The following SBNO2 variants were observed in gnomAD, a reference collection of about 807,000 sequenced individuals.
The protein encoded by SBNO2 is protein strawberry notch homolog 2.
SBNO2 carries 89 observed loss-of-function variants against 146.3 expected under a neutral mutation model. The observed-to-expected ratio is 0.61, with a 90% confidence interval of 0.51 to 0.73. SBNO2 has a LOEUF of 0.73. SBNO2 is among the 30% of genes least tolerant of loss of function. SBNO2 has a pLI of 0.00. For synonymous variants in SBNO2, 1,147 were observed against 892.6 expected, an observed-to-expected ratio of 1.29 and a Z score of -5.08; for missense variants, 2,092 against 2,003.7, an observed-to-expected ratio of 1.04 and a Z score of -0.84.
Position 1,143,418 on chromosome 19 carries a change from G to C in SBNO2, c.279+3891C>G, listed in dbSNP as rs1015500473. Among the ~76,000 whole-genome samples the C allele has an allele frequency of 5.9e-5, 9 of 152,184 alleles. 1 individual carries two copies. Among genetic ancestry groups the C allele is most frequent in the Non-Finnish European group, 1.2e-4 (8 of 68,048 alleles). Reference sequence around the variant, plus strand: ...GCCCAGGAGGTGGAGGCTGCAGTGAGCCGAGATTGCACCGCTGCACTCCAG... The same window carrying C: ...GCCCAGGAGGTGGAGGCTGCAGTGACCCGAGATTGCACCGCTGCACTCCAG... On this transcript the variant is annotated intron_variant, in intron 4 of 31. Coordinates refer to ENST00000361757, the MANE Select transcript of SBNO2 (RefSeq NM_014963.3).
At position 1,150,286 on chromosome 19, in the gene SBNO2, C is replaced by T. The variant is rs143061833; in HGVS notation, c.94-844G>A. 4.2e-3 allele frequency among the ~76,000 whole-genome samples: 638 copies of T among 152,234 alleles called. 9 individuals carry two copies. Among genetic ancestry groups the T allele is most frequent in the African/African-American group, 0.015 (617 of 41,534 alleles). On this transcript the variant is annotated intron_variant, in intron 2 of 31. Coordinates refer to ENST00000361757, the MANE Select transcript of SBNO2 (RefSeq NM_014963.3). This position sits in a 1 kb window ranked among gnomAD's most constrained non-coding sequence, Gnocchi z 6.2. ...GGATGGGGAGCACACGGGGCAGCAG[C>T]GGGCCCAAGGGCGGCAGCGGGCCCA...
Position 1,112,427 on chromosome 19 carries a change from G to A in SBNO2, c.2490C>T (p.Ser830=). Residue 830 remains serine (S), a synonymous_variant, in exon 21 of 32, where the codon AGC becomes AGT. Coordinates refer to ENST00000361757, the MANE Select transcript of SBNO2 (RefSeq NM_014963.3). This position sits in a 1 kb window ranked among gnomAD's most constrained non-coding sequence, Gnocchi z 5.9. ...RVHMTLELPW[S]ADRAIQQFGR... Reference sequence around the variant, plus strand: ...CGAACTGCTGGATGGCGCGGTCGGCGCTCCACGGCAGCTCCAAGGTCATGT... The same window carrying A: ...CGAACTGCTGGATGGCGCGGTCGGCACTCCACGGCAGCTCCAAGGTCATGT... The A allele has an allele frequency of 3.1e-6, 5 of 1,605,712 alleles. No homozygotes were observed. The highest frequency in any genetic ancestry group is 1.3e-5 in the African/African-American group (1 of 74,946).
chr19:1,170,842 T>C (rs1290631182), intron 1 of SBNO2, among the ~76,000 whole-genome samples: 1 of 150,898 alleles, frequency 6.6e-6, no homozygotes, highest in Non-Finnish European at 1.5e-5. Flanking sequence ...GGTGCAAAGG[T>C]CATACACATG....
chr19:1,119,225 A>G, intron 13 of SBNO2, 61 bp from the exon 14 acceptor site: 1 of 1,531,160 alleles, frequency 6.5e-7, no homozygotes, highest in Admixed American at 1.9e-5. Context: ...AGCCACTCGG[A>G]GCGCGAGGCA....
intron 1 of SBNO2, among the ~76,000 whole-genome samples, chr19:1,163,834 G>A (rs1385079316): frequency 6.6e-6 from 1 of 152,194 alleles, no homozygotes; most frequent in African/African-American, 2.4e-5. Context: ...GGGGTCCAGG[G>A]CGAGCAAGTT....
chr19:1,152,715 A>C (rs1443111039), intron 2 of SBNO2, among the ~76,000 whole-genome samples: 1 of 152,134 alleles, frequency 6.6e-6, no homozygotes, highest in Non-Finnish European at 1.5e-5. Flanking sequence ...AAGCCCTCTG[A>C]GGATGGACTG....
chr19:1,117,578 C>T (rs2079848860), intron 14 of SBNO2, 79 bp from the exon 15 acceptor site: 11 of 1,446,080 alleles, frequency 7.6e-6, no homozygotes, highest in South Asian at 5.4e-5. Context: ...CTGCCGCCAG[C>T]CCTGGGCAAG....
At position 1,115,926 on chromosome 19, in the gene SBNO2, C is replaced by T. The variant is rs1018424137; in HGVS notation, c.1885+95G>A. ...CAGGACCTGCATTTGGCTGAGTGGA[C>T]GGGGGAGTGGGGGAAGCAGGGAGCG... On this transcript the variant is annotated intron_variant, in intron 17 of 31. Transcript: ENST00000361757. 27 of 752,074 alleles carry T rather than the reference C, an allele frequency of 3.6e-5. No individual in the cohort carries two copies. In the East Asian group the frequency reaches 7.6e-4, roughly 21 times the overall value. The allele number at this position is 752,074 out of a possible 1,614,324, so 46.6% of individuals were successfully genotyped here.
rs554130374 is a variant in SBNO2 at position 1,133,162 on chromosome 19, G to C, written c.280-5397C>G. On this transcript the variant is annotated intron_variant, in intron 4 of 31. Coordinates refer to ENST00000361757, the MANE Select transcript of SBNO2 (RefSeq NM_014963.3). ...GGTGGGAGGACGGCCGGGCTGTGGAGAGGACGGGCCCCATCTGCCTGTACT... is the reference window on the plus strand; with the variant it reads ...GGTGGGAGGACGGCCGGGCTGTGGACAGGACGGGCCCCATCTGCCTGTACT... Among the ~76,000 whole-genome samples, 7 of 152,276 alleles carry C rather than the reference G, an allele frequency of 4.6e-5. No individual in the cohort carries two copies. In the East Asian group the frequency reaches 1.4e-3, roughly 29 times the overall value.
intron 11 of SBNO2, among the ~76,000 whole-genome samples, chr19:1,121,091 C>T (rs2079895678): frequency 6.6e-6 from 1 of 151,968 alleles, no homozygotes; most frequent in Non-Finnish European, 1.5e-5. Flanking sequence ...GTGGTTTCAC[C>T]ATGTTGTCCA....
chr19:1,149,310 A>C, intron 3 of SBNO2, 59 bp downstream of exon 3: 4 of 1,468,686 alleles, frequency 2.7e-6, no homozygotes, highest in Non-Finnish European at 3.7e-6. Context: ...CTCCGTTTGT[A>C]ACTGTGACTT....
chr19:1,114,087 G>T, intron 18 of SBNO2, 144 bp downstream of exon 18: 2 of 729,484 alleles, frequency 2.7e-6, no homozygotes, highest in Non-Finnish European at 4.2e-6. Context: ...AGGTGGGCTG[G>T]ACTGAGGGCT....
rs763697739 is a variant in SBNO2, at chr19:1,149,488, C to T, written c.94-46G>A. The T allele has an allele frequency of 1.7e-5, 26 of 1,512,204 alleles. No individual in the cohort carries two copies. In the Admixed American group the frequency reaches 2.6e-4, roughly 15 times the overall value. 93.7% of individuals were successfully genotyped at this position (1,512,204 alleles called of 1,614,324 possible). On this transcript the variant is annotated intron_variant, in intron 2 of 31. Transcript: ENST00000361757. ...CAGTGAGTGGGAAGCAGAGGACCTG[C>T]GGTGCAGCCCGGCTAAGCCCTCCGG... is the stretch of plus-strand genomic sequence containing the variant.
chr19:1,120,232 TG>T, intron 11 of SBNO2: 1 of 574,272 alleles, frequency 1.7e-6, no homozygotes, highest in Non-Finnish European at 3.1e-6. Context: ...TAGATGGGTG[TG>T]GCCTGGGATG....
chr19:1,130,797 C>T (rs1568592588), intron 4 of SBNO2, among the ~76,000 whole-genome samples: 1 of 152,170 alleles, frequency 6.6e-6, no homozygotes, highest in Non-Finnish European at 1.5e-5. Context: ...GTCACAAAAA[C>T]AAATAAATAA....
At position 1,108,227 on chromosome 19, in the gene SBNO2, G is replaced by C. The variant is rs1338021741; in HGVS notation, c.4094C>G (p.Pro1365Arg). Reference sequence around the variant, plus strand: ...GTTTCGCCTAAAGGCGTGTCAGAGAGGAGCCTGGGCGCCGGGGAAGGGTGG... The same window carrying C: ...GTTTCGCCTAAAGGCGTGTCAGAGACGAGCCTGGGCGCCGGGGAAGGGTGG... The part of the protein sequence containing the change: ...FSPPFPGAQA[P>R]L The change falls in exon 32 of 32, where the codon CCT (proline) becomes CGT (arginine). Residue 1365 changes from proline (P) to arginine (R), a missense_variant. Transcript: ENST00000361757. The C allele has an allele frequency of 1.2e-5, 18 of 1,527,264 alleles. No individual in the cohort carries two copies. The highest frequency in any genetic ancestry group is 1.5e-5 in the Non-Finnish European group (17 of 1,135,350). 94.6% of individuals were successfully genotyped at this position (1,527,264 alleles called of 1,614,324 possible). A position where few individuals can be genotyped will look rare whatever the true frequency, so the allele number is the denominator to read the frequency against.
intron 3 of SBNO2, among the ~76,000 whole-genome samples, chr19:1,149,071 C>T (rs527936916): frequency 9.9e-6 from 1 of 101,000 alleles, no homozygotes; most frequent in Non-Finnish European, 2.1e-5. Flanking sequence ...CCCTTCCCAT[C>T]CTGGTGTCAC....
intron 24 of SBNO2, 80 bp from the exon 25 acceptor site, chr19:1,111,173 C>T (rs896426810): frequency 1.2e-5 from 18 of 1,451,748 alleles, no homozygotes; most frequent in Non-Finnish European, 1.6e-5. Context: ...TTCCAGAGAC[C>T]AGCAGCTCCC....
intron 19 of SBNO2, 111 bp downstream of exon 19, chr19:1,113,424 G>A (rs866352315): frequency 6.4e-5 from 64 of 1,002,452 alleles, no homozygotes; most frequent in Non-Finnish European, 8.0e-5. Flanking sequence ...GCAGGGCCGC[G>A]GAGACGCAGA....
Sources: gnomAD v4.1 joint callset for allele counts (sites outside exome capture counted in the v4.1 genomes callset) on GRCh38, gnomAD v4.1.1 for gene constraint, Gnocchi (gnomAD v3.1) non-coding constraint, MANE v1.5 for transcripts, NCBI Gene and HGNC (gene_info 2026-07-23, HGNC 2026-07-21) for gene names.